The following ATP13A4 variants were observed in gnomAD, a reference collection of about 807,000 sequenced individuals.
ATP13A4 encodes probable cation-transporting ATPase 13A4.
ATP13A4 carries 114 observed loss-of-function variants against 142.5 expected under a neutral mutation model. That is an observed-to-expected ratio of 0.80 (90% confidence interval 0.69 to 0.93). ATP13A4 has a LOEUF of 0.93. Ranked by LOEUF, ATP13A4 falls within the 40% of genes least tolerant of loss-of-function variation. ATP13A4 has a pLI of 0.00. For missense variants in ATP13A4, 1,392 were observed against 1,454.0 expected, an observed-to-expected ratio of 0.96 and a Z score of 0.69; for synonymous variants, 488 against 514.8, an observed-to-expected ratio of 0.95 and a Z score of 0.70.
chr3:193,462,653 C>G (rs1718020696), intron 13 of ATP13A4, 109 bp downstream of exon 13: 1 of 1,045,604 alleles, frequency 9.6e-7, no homozygotes, highest in Non-Finnish European at 1.5e-6. Context: ...AATCATTGTC[C>G]ACCAAAGCCA....
At chr3:193,448,534 C>T (rs1440378143) in intron 17 of ATP13A4, among the ~76,000 whole-genome samples, 1 of 152,294 alleles carries the variant, frequency 6.6e-6, no homozygotes, top group East Asian at 1.9e-4. Context: ...CGGGGTTTCA[C>T]CATGTTGGCT....
At chr3:193,591,369 A>G (rs1267824370) in intron 1 of ATP13A4, among the ~76,000 whole-genome samples, 2 of 152,252 alleles carry the variant, frequency 1.3e-5, no homozygotes, top group Admixed American at 1.3e-4. Context: ...TGCATAGGCC[A>G]ACACTGTCTA....
In ATP13A4 at chr3:193,491,038, C is replaced by T. The variant is rs549447132; in HGVS notation, c.603+291G>A. The stretch of plus-strand genomic sequence containing the variant: ...AAAATTGAGTTTCATGAAGTTAAAA[C>T]AAGTTAAGCAGCATAGTATTAAAAA... On this transcript the variant is annotated intron_variant, in intron 6 of 29. Transcript: ENST00000342695. Among the ~76,000 whole-genome samples, 19 of 152,082 alleles carry T rather than the reference C, an allele frequency of 1.2e-4. No homozygotes were observed. The South Asian group carries it at 3.3e-3, about 27-fold the overall frequency.
chr3:193,452,482 C>T (rs941181093), intron 17 of ATP13A4, among the ~76,000 whole-genome samples: 2 of 151,450 alleles, frequency 1.3e-5, no homozygotes, highest in Admixed American at 1.3e-4. Context: ...CAGTGGGCTT[C>T]ATTTTACCCA....
At chr3:193,521,791 G>A (rs1721731417) in intron 1 of ATP13A4, among the ~76,000 whole-genome samples, 1 of 152,034 alleles carries the variant, frequency 6.6e-6, no homozygotes, top group Admixed American at 6.5e-5. Context: ...AAATTAGCTG[G>A]GTGTGGTGGC....
intron 17 of ATP13A4, among the ~76,000 whole-genome samples, chr3:193,453,649 T>C (rs943394930): frequency 6.6e-6 from 1 of 152,224 alleles, no homozygotes; most frequent in African/African-American, 2.4e-5. Context: ...ATCTAAGCTG[T>C]ATTTATTTGT....
At chr3:193,485,839 T>C (rs1338617592) in intron 7 of ATP13A4, among the ~76,000 whole-genome samples, 1 of 151,468 alleles carries the variant, frequency 6.6e-6, no homozygotes, top group Non-Finnish European at 1.5e-5. Flanking sequence ...AAGAGAGATC[T>C]CACCAGACAC....
At chr3:193,503,601 T>C (rs1208990006) in intron 2 of ATP13A4, among the ~76,000 whole-genome samples, 1 of 152,208 alleles carries the variant, frequency 6.6e-6, no homozygotes, top group Non-Finnish European at 1.5e-5. Context: ...CCATTTTTGC[T>C]ATGAAGAGTG....
chr3:193,444,721 G>T (rs1234840201), intron 18 of ATP13A4, among the ~76,000 whole-genome samples: 4 of 152,218 alleles, frequency 2.6e-5, no homozygotes, highest in Non-Finnish European at 5.9e-5. Context: ...AGGTATGTAT[G>T]TTGTGATGCC....
At chr3:193,502,349 G>T in intron 3 of ATP13A4, 144 bp downstream of exon 3, 2 of 988,188 alleles carry the variant, frequency 2.0e-6, no homozygotes, top group Non-Finnish European at 3.1e-6. Context: ...GCTGAGATTT[G>T]GACTGTCTGG....
chr3:193,586,068 TATC>T (rs1164256801), intron 1 of ATP13A4, among the ~76,000 whole-genome samples: 35 of 131,540 alleles, frequency 2.7e-4, no homozygotes, highest in African/African-American at 1.0e-3. Flanking sequence ...AATATATATA[TATC>T]TGTATATGTA....
chr3:193,461,614 CTA>C (rs1230924493), intron 13 of ATP13A4, among the ~76,000 whole-genome samples: 1 of 152,150 alleles, frequency 6.6e-6, no homozygotes, highest in African/African-American at 2.4e-5. Flanking sequence ...AATTATTAAA[CTA>C]TGTGTAATTA....
chr3:193,506,697 G>C (rs1304960080), intron 2 of ATP13A4, among the ~76,000 whole-genome samples: 1 of 152,192 alleles, frequency 6.6e-6, no homozygotes, highest in Non-Finnish European at 1.5e-5. Context: ...CATGGGGGCA[G>C]TTACACTCAT....
Position 193,402,645 on chromosome 3 carries a change from A to G in ATP13A4, c.*7T>C. The G allele has an allele frequency of 2.3e-6, 2 of 855,716 alleles. No individual in the cohort carries two copies. Among genetic ancestry groups the G allele is most frequent in the Non-Finnish European group, 4.1e-6 (2 of 486,650 alleles). 53.0% of individuals were successfully genotyped at this position (855,716 alleles called of 1,614,324 possible). A position where few individuals can be genotyped will look rare whatever the true frequency, so the allele number is the denominator to read the frequency against. On this transcript the variant is annotated 3_prime_UTR_variant, in exon 30 of 30. Transcript: ENST00000342695. ...TCTGTAATATCAACTTGGATATCACATGTCCTTCAGAGTTGTTCTTCATTG... is the reference window on the plus strand; with the variant it reads ...TCTGTAATATCAACTTGGATATCACGTGTCCTTCAGAGTTGTTCTTCATTG...
At chr3:193,469,168 G>A (rs1049439112) in intron 9 of ATP13A4, among the ~76,000 whole-genome samples, 6 of 152,224 alleles carry the variant, frequency 3.9e-5, no homozygotes, top group Non-Finnish European at 7.3e-5. Flanking sequence ...AACAATTCAG[G>A]AGATGGAGGA....
At chr3:193,424,553 G>A (rs7632358) in intron 25 of ATP13A4, among the ~76,000 whole-genome samples, 4,787 of 149,306 alleles carry the variant, frequency 0.032, 449 homozygotes, top group African/African-American at 0.11. Context: ...TTTCACAAAG[G>A]TGCAAAGAAC....
intron 1 of ATP13A4, among the ~76,000 whole-genome samples, chr3:193,525,221 A>G (rs1721936105): frequency 6.6e-6 from 1 of 152,232 alleles, no homozygotes; most frequent in East Asian, 1.9e-4. Flanking sequence ...TGACAATCAT[A>G]GAGTGCTGGC....
intron 24 of ATP13A4, among the ~76,000 whole-genome samples, chr3:193,435,252 C>T (rs1468289462): frequency 1.4e-5 from 1 of 70,962 alleles, no homozygotes; most frequent in African/African-American, 4.4e-5. Flanking sequence ...CATTAATAAT[C>T]AGGTCTTTTT....
At chr3:193,552,489 GAC>G (rs1723637974) in intron 1 of ATP13A4, among the ~76,000 whole-genome samples, 4 of 152,266 alleles carry the variant, frequency 2.6e-5, no homozygotes, top group Admixed American at 2.6e-4. Context: ...CACATTTCTG[GAC>G]TTGGAAGTCA....
Sources: allele counts gnomAD v4.1 joint callset (sites outside exome capture counted in the v4.1 genomes callset), GRCh38; gene constraint gnomAD v4.1.1; transcripts MANE v1.5; gene names NCBI Gene and HGNC (gene_info 2026-07-23, HGNC 2026-07-21).